The following ERBB4 variants were observed in gnomAD, a reference collection of about 807,000 sequenced individuals.
The protein encoded by ERBB4 is receptor tyrosine-protein kinase erbB-4.
A neutral mutation model predicts 158.0 loss-of-function variants in ERBB4; 42 were observed. That is an observed-to-expected ratio of 0.27 (90% confidence interval 0.21 to 0.34). The LOEUF is 0.34. Ranked by LOEUF, ERBB4 falls within the 10% of genes least tolerant of loss-of-function variation. The probability of loss-of-function intolerance (pLI) is 1.00; values close to 1 mark genes in which losing one functional copy is unlikely to be tolerated. For synonymous variants in ERBB4, 583 were observed against 558.7 expected (o/e 1.04, Z -0.61); for missense variants, 1,333 against 1,624.1 (o/e 0.82, Z 3.08).
chr2:212,120,457 G>C (rs1357325130), intron 2 of ERBB4, among the ~76,000 whole-genome samples: 1 of 152,090 alleles, frequency 6.6e-6, no homozygotes, highest in Non-Finnish European at 1.5e-5. Context: ...TAATTCATTT[G>C]TCCATTCAAC....
At chr2:211,653,231 G>C (rs2071070069) in intron 16 of ERBB4, among the ~76,000 whole-genome samples, 1 of 152,082 alleles carries the variant, frequency 6.6e-6, no homozygotes, top group South Asian at 2.1e-4. Context: ...AAAATATCAA[G>C]TATTATTTTC....
chr2:211,839,725 A>C (rs191839619), intron 3 of ERBB4, among the ~76,000 whole-genome samples: 6 of 152,264 alleles, frequency 3.9e-5, no homozygotes, highest in African/African-American at 1.4e-4. Context: ...AATTAAAAAC[A>C]TGTCTTGATT....
chr2:211,541,566 A>G (rs369011737), intron 20 of ERBB4, among the ~76,000 whole-genome samples: 6 of 152,148 alleles, frequency 3.9e-5, no homozygotes, highest in African/African-American at 1.4e-4. Flanking sequence ...ACCCTGGGGA[A>G]AAAGTCTTTA....
At chr2:211,901,663 G>A (rs911602706) in intron 3 of ERBB4, among the ~76,000 whole-genome samples, 2 of 152,078 alleles carry the variant, frequency 1.3e-5, no homozygotes, top group African/African-American at 2.4e-5. Flanking sequence ...TTAAGGCATC[G>A]CATATAACGG....
intron 5 of ERBB4, among the ~76,000 whole-genome samples, chr2:211,732,495 T>G (rs2106155871): frequency 6.6e-6 from 1 of 152,266 alleles, no homozygotes; most frequent in African/African-American, 2.4e-5. Context: ...TCCTAATTGG[T>G]TTGGTGATAG....
intron 5 of ERBB4, among the ~76,000 whole-genome samples, chr2:211,727,616 T>C (rs2074307593): frequency 1.3e-5 from 2 of 152,072 alleles, no homozygotes; most frequent in African/African-American, 4.8e-5. Context: ...ATTAAAATAC[T>C]AGGATTTAAA....
intron 6 of ERBB4, 83 bp downstream of exon 6, chr2:211,724,993 A>G (rs1272028589): frequency 1.9e-6 from 2 of 1,068,176 alleles, no homozygotes; most frequent in Non-Finnish European, 2.9e-6. Context: ...TCTGATTGTA[A>G]TAAGACAAAG....
intron 4 of ERBB4, among the ~76,000 whole-genome samples, chr2:211,752,184 G>T (rs541932297): frequency 7.9e-5 from 12 of 152,096 alleles, no homozygotes; most frequent in Admixed American, 7.2e-4. Context: ...ACTTACAGGA[G>T]TTCTTTTGTA....
At chr2:211,728,048 T>C (rs1378442586) in intron 5 of ERBB4, among the ~76,000 whole-genome samples, 3 of 151,912 alleles carry the variant, frequency 2.0e-5, no homozygotes, top group Non-Finnish European at 4.4e-5. Flanking sequence ...ATAAATCCCC[T>C]TGGACTGTCC....
chr2:212,503,995 C>A (rs1395055805), intron 1 of ERBB4, among the ~76,000 whole-genome samples: 1 of 152,122 alleles, frequency 6.6e-6, no homozygotes, highest in East Asian at 1.9e-4. Flanking sequence ...TTTGTAGACA[C>A]CTTGAAAATG....
chr2:212,194,136 C>T (rs1195793149), intron 1 of ERBB4, among the ~76,000 whole-genome samples: 1 of 151,316 alleles, frequency 6.6e-6, no homozygotes, highest in East Asian at 1.9e-4. Context: ...TCATGCAAAG[C>T]AATAAAAGCT....
chr2:211,610,119 G>C (rs548663705), intron 19 of ERBB4, among the ~76,000 whole-genome samples: 1 of 151,812 alleles, frequency 6.6e-6, no homozygotes, highest in African/African-American at 2.4e-5. Context: ...AAAAGATGAA[G>C]AGAATTTTTA....
intron 1 of ERBB4, among the ~76,000 whole-genome samples, chr2:212,287,040 C>G (rs2086015962): frequency 1.3e-5 from 2 of 151,706 alleles, no homozygotes; most frequent in Admixed American, 1.3e-4. Context: ...ATAAACAACG[C>G]GCTGACACAA....
intron 3 of ERBB4, among the ~76,000 whole-genome samples, chr2:211,799,894 A>C (rs1238526635): frequency 1.3e-5 from 2 of 152,098 alleles, no homozygotes; most frequent in Non-Finnish European, 2.9e-5. Context: ...GAGAGCTAAA[A>C]CCAGGGCAAG....
At chr2:211,749,563 G>A (rs2075068477) in intron 5 of ERBB4, among the ~76,000 whole-genome samples, 2 of 152,074 alleles carry the variant, frequency 1.3e-5, no homozygotes, top group South Asian at 4.1e-4. Flanking sequence ...CATGAATTTT[G>A]GATATGAGAG....
At chr2:212,052,977 G>A (rs1261567650) in intron 2 of ERBB4, among the ~76,000 whole-genome samples, 1 of 152,134 alleles carries the variant, frequency 6.6e-6, no homozygotes, top group Non-Finnish European at 1.5e-5. Flanking sequence ...CAGTAGCAAC[G>A]GGACCTGGAC....
At chr2:211,756,084 C>T (rs909616769) in intron 4 of ERBB4, among the ~76,000 whole-genome samples, 15 of 152,184 alleles carry the variant, frequency 9.9e-5, no homozygotes, top group East Asian at 7.7e-4. Flanking sequence ...TATGCTAAAC[C>T]AGTCCCTATT....
intron 20 of ERBB4, among the ~76,000 whole-genome samples, chr2:211,536,693 C>T (rs967118463): frequency 6.6e-6 from 1 of 151,956 alleles, no homozygotes; most frequent in Admixed American, 6.6e-5. Flanking sequence ...AGAAGCAAGT[C>T]ATCGAAGAAT....
chr2:212,304,828 T>A (rs2086750333), intron 1 of ERBB4, among the ~76,000 whole-genome samples: 1 of 151,444 alleles, frequency 6.6e-6, no homozygotes, highest in Admixed American at 6.6e-5. Flanking sequence ...AAAAACAGTG[T>A]CTAGAAACCT....
Sources: allele counts gnomAD v4.1 joint callset (sites outside exome capture counted in the v4.1 genomes callset), GRCh38; gene constraint gnomAD v4.1.1; transcripts MANE v1.5; gene names NCBI Gene and HGNC (gene_info 2026-07-23, HGNC 2026-07-21).